Variants in TSPAN9 observed in about 807,000 individuals in gnomAD.
The protein encoded by TSPAN9 is tetraspanin-9.
Under a neutral mutation model 31.0 loss-of-function variants are expected in TSPAN9, and 16 were observed. The observed-to-expected ratio is 0.52, with a 90% CI of 0.35 to 0.78. The LOEUF (loss-of-function observed/expected upper bound fraction) is 0.78, where lower values mean the gene tolerates loss of function less well. Ranked by LOEUF, TSPAN9 falls within the 30% of genes least tolerant of loss-of-function variation. The pLI is 0.01. For synonymous variants in TSPAN9, 145 were observed against 121.6 expected (o/e 1.19, Z -1.27); for missense variants, 272 against 312.5 (o/e 0.87, Z 0.98).
intron 3 of TSPAN9, among the ~76,000 whole-genome samples, chr12:3,261,079 G>A (rs1862440909): frequency 6.6e-6 from 1 of 152,178 alleles, no homozygotes; most frequent in Admixed American, 6.5e-5. Flanking sequence ...CCTACCCTGT[G>A]TTCTGGCCAA....
intron 2 of TSPAN9, among the ~76,000 whole-genome samples, chr12:3,155,586 CCT>C (rs898534748): frequency 3.5e-5 from 5 of 143,916 alleles, no homozygotes; most frequent in African/African-American, 1.2e-4. Context: ...AGAGCAAGAC[CCT>C]GTCTCTTTAA....
At chr12:3,191,384 GC>G (rs1158724606) in intron 2 of TSPAN9, among the ~76,000 whole-genome samples, 1 of 152,076 alleles carries the variant, frequency 6.6e-6, no homozygotes, top group Non-Finnish European at 1.5e-5. Context: ...CTGCCCAGCT[GC>G]CCCCCTGCCA....
chr12:3,281,455 C>T (rs1378799730), intron 7 of TSPAN9, 126 bp downstream of exon 7: 5 of 1,379,110 alleles, frequency 3.6e-6, no homozygotes, highest in Admixed American at 5.9e-5. Flanking sequence ...GTGGGGGGCT[C>T]ACAAAAATAA....
At chr12:3,162,754 G>C (rs1387948185) in intron 2 of TSPAN9, among the ~76,000 whole-genome samples, 1 of 152,210 alleles carries the variant, frequency 6.6e-6, no homozygotes, top group Admixed American at 6.5e-5. Flanking sequence ...AGATTTAAGG[G>C]AAGTTAATGA....
intron 2 of TSPAN9, among the ~76,000 whole-genome samples, chr12:3,148,374 C>G (rs1216316921): frequency 6.6e-6 from 1 of 152,242 alleles, no homozygotes; most frequent in Non-Finnish European, 1.5e-5. Context: ...GAGTCACAAG[C>G]TGAATTTCTC....
intron 2 of TSPAN9, among the ~76,000 whole-genome samples, chr12:3,134,426 A>C (rs889225703): frequency 1.3e-5 from 2 of 152,180 alleles, no homozygotes; most frequent in African/African-American, 2.4e-5. Flanking sequence ...AGGTTCAAGG[A>C]GGGAAGAAAC....
At chr12:3,273,230 G>GGA (rs1862718085) in intron 3 of TSPAN9, 1 of 152,270 alleles carries the variant, frequency 6.6e-6, no homozygotes, top group Non-Finnish European at 1.5e-5. Flanking sequence ...TGGCCCTCAA[G>GGA]GAGGCCATTG....
intron 3 of TSPAN9, among the ~76,000 whole-genome samples, chr12:3,249,584 G>A (rs960208487): frequency 1.3e-5 from 2 of 152,178 alleles, no homozygotes; most frequent in Non-Finnish European, 2.9e-5. Flanking sequence ...CCTGAGGGCC[G>A]AGCCCATGTC....
Position 3,283,384 on chromosome 12 carries a change from G to A in TSPAN9, c.*268G>A. 2.4e-6 allele frequency: 1 copy of A among 421,916 alleles called. No homozygotes were observed. Among genetic ancestry groups the A allele is most frequent in the Non-Finnish European group, 4.2e-6 (1 of 236,482 alleles). 26.1% of individuals were successfully genotyped at this position (421,916 alleles called of 1,614,324 possible). A position where few individuals can be genotyped will look rare whatever the true frequency, so the allele number is the denominator to read the frequency against. ...GCCAAAGACGACAGGGTGGGCTGGGGTGCGCTCCGGAGGAACCCCCGGCAC... is the reference window on the plus strand; with the variant it reads ...GCCAAAGACGACAGGGTGGGCTGGGATGCGCTCCGGAGGAACCCCCGGCAC... On this transcript the variant is annotated 3_prime_UTR_variant, in exon 9 of 9. Transcript: ENST00000011898.
chr12:3,164,866 G>A (rs1011273429), intron 2 of TSPAN9, among the ~76,000 whole-genome samples: 3 of 152,192 alleles, frequency 2.0e-5, no homozygotes, highest in Non-Finnish European at 2.9e-5. Flanking sequence ...AGGGTCAGAG[G>A]ACCTAGCTCT....
intron 3 of TSPAN9, among the ~76,000 whole-genome samples, chr12:3,247,199 C>G (rs2153977706): frequency 6.6e-6 from 1 of 151,440 alleles, no homozygotes. Flanking sequence ...AAGGTTATAG[C>G]AGAAAGGACT....
At chr12:3,245,690 C>T (rs1862110283) in intron 3 of TSPAN9, among the ~76,000 whole-genome samples, 1 of 152,176 alleles carries the variant, frequency 6.6e-6, no homozygotes, top group Admixed American at 6.5e-5. Context: ...CTGCATCTCC[C>T]AACCCCCAAC....
chr12:3,161,535 C>G (rs1190229707), intron 2 of TSPAN9, among the ~76,000 whole-genome samples: 1 of 152,144 alleles, frequency 6.6e-6, no homozygotes, highest in African/African-American at 2.4e-5. Flanking sequence ...TAAAACCCAC[C>G]ACCTGGGGAG....
intron 3 of TSPAN9, among the ~76,000 whole-genome samples, chr12:3,270,637 C>T (rs181047705): frequency 7.7e-4 from 118 of 152,364 alleles, no homozygotes; most frequent in Admixed American, 2.9e-3. Flanking sequence ...AGCTAGGGGC[C>T]AGAGGACACC....
chr12:3,176,576 A>G (rs12301855), intron 2 of TSPAN9, among the ~76,000 whole-genome samples: 6,217 of 152,318 alleles, frequency 0.041, 406 homozygotes, highest in African/African-American at 0.14. Flanking sequence ...TCTTGGTCCA[A>G]TCACAATTTA....
intron 3 of TSPAN9, among the ~76,000 whole-genome samples, chr12:3,276,155 G>T (rs1194654738): frequency 6.6e-6 from 1 of 151,252 alleles, no homozygotes; most frequent in Non-Finnish European, 1.5e-5. Flanking sequence ...CTGAGGAAGG[G>T]CATCTCCTTC....
At chr12:3,133,472 A>G (rs7972285) in intron 2 of TSPAN9, among the ~76,000 whole-genome samples, 91,819 of 151,886 alleles carry the variant, frequency 0.6, 27,951 homozygotes, top group Admixed American at 0.65. Flanking sequence ...TCCCAGCCCC[A>G]GGGACCCTCC....
At position 3,214,521 on chromosome 12, in the gene TSPAN9, G is replaced by A. The variant is rs2098380353; in HGVS notation, c.63+13265G>A. On this transcript the variant is annotated intron_variant, in intron 3 of 8. Transcript: ENST00000011898. ...GAACTCCTGTTGGATTTGCCTCTTC[G>A]GACCTCCAGTTCCTTGCTTAGTGGT... Among the ~76,000 whole-genome samples the A allele has an allele frequency of 3.9e-5, 6 of 152,110 alleles. No homozygotes were observed. In the South Asian group the frequency reaches 8.3e-4, roughly 21 times the overall value.
At chr12:3,190,682 C>G (rs1302593972) in intron 2 of TSPAN9, among the ~76,000 whole-genome samples, 1 of 152,216 alleles carries the variant, frequency 6.6e-6, no homozygotes, top group Non-Finnish European at 1.5e-5. Context: ...GCTGCCCCCT[C>G]TTATCTGGTA....
Sources: gnomAD v4.1 joint callset for allele counts (sites outside exome capture counted in the v4.1 genomes callset) on GRCh38, gnomAD v4.1.1 for gene constraint, MANE v1.5 for transcripts, NCBI Gene and HGNC (gene_info 2026-07-23, HGNC 2026-07-21) for gene names.